MICAL3: variants seen among roughly 807,000 people sequenced by gnomAD.
MICAL3 encodes the protein [F-actin]-monooxygenase MICAL3.
MICAL3 carries 62 observed loss-of-function variants against 207.4 expected under a neutral mutation model. The observed-to-expected ratio is 0.30, with a 90% confidence interval of 0.24 to 0.37. The LOEUF (loss-of-function observed/expected upper bound fraction) is 0.37. Ranked by LOEUF, MICAL3 falls within the 10% of genes least tolerant of loss-of-function variation. MICAL3 has a pLI of 1.00. For synonymous variants in MICAL3, 1,077 were observed against 1,069.3 expected, an observed-to-expected ratio of 1.01 and a Z score of -0.14; for missense variants, 2,368 against 2,635.6, an observed-to-expected ratio of 0.90 and a Z score of 2.22.
chr22:17,973,490 G>C (rs1285544374), intron 1 of MICAL3, among the ~76,000 whole-genome samples: 1 of 152,202 alleles, frequency 6.6e-6, no homozygotes, highest in African/African-American at 2.4e-5. Context: ...AAGCAGCACA[G>C]GGTGTGAAGC....
chr22:17,974,715 C>T (rs957474100), intron 1 of MICAL3, among the ~76,000 whole-genome samples: 80 of 136,366 alleles, frequency 5.9e-4, no homozygotes, highest in African/African-American at 1.8e-3. Flanking sequence ...CAGAGCAAGA[C>T]TCCGTCTTAA....
intron 1 of MICAL3, among the ~76,000 whole-genome samples, chr22:17,974,870 T>C (rs564359120): frequency 6.6e-6 from 1 of 152,294 alleles, no homozygotes; most frequent in South Asian, 2.1e-4. Flanking sequence ...AGTTCTTCAG[T>C]CCTCACAATA....
chr22:17,956,972 A>G (rs946747189), intron 1 of MICAL3, among the ~76,000 whole-genome samples: 1 of 152,234 alleles, frequency 6.6e-6, no homozygotes, highest in African/African-American at 2.4e-5. Context: ...GGTTAATGAG[A>G]TATAAGCAGA....
chr22:17,791,560 GT>G, intron 29 of MICAL3: 1 of 542,508 alleles, frequency 1.8e-6, no homozygotes, highest in Non-Finnish European at 3.3e-6. Context: ...CCCGGGGCTG[GT>G]TTCTACCCCT....
intron 17 of MICAL3, 70 bp downstream of exon 17, chr22:17,871,767 C>T (rs995786069): frequency 8.5e-6 from 12 of 1,410,454 alleles, no homozygotes; most frequent in South Asian, 4.2e-5. Context: ...GGCCCAAAGG[C>T]GCCCAGCTCA....
chr22:17,818,408 T>C lies in MICAL3; in HGVS notation c.4253A>G (p.Glu1418Gly), dbSNP rs1185709408. 10 of 1,611,648 alleles carry C rather than the reference T, an allele frequency of 6.2e-6. No individual in the cohort carries two copies. The highest frequency in any genetic ancestry group is 8.5e-6 in the Non-Finnish European group (10 of 1,179,782). The change falls in exon 26 of 32, where the codon GAG becomes GGG. Residue 1418 changes from glutamate (E) to glycine (G), a missense_variant. Glu to Gly is a moderately conservative substitution (Grantham distance 98). Around this residue, in one of 4 missense-constraint regions of MICAL3, gnomAD observed 1,770 missense variants for 1,863.2 expected, o/e 0.95. Coordinates refer to ENST00000441493, the MANE Select transcript of MICAL3 (RefSeq NM_015241.3). ...SDRELRSAQE[E>G]RRELSSSSGL... ...AGAGCTGCTGGACAGCTCCCTGCGC[T>C]CCTCCTGGGCGCTGCGTAGCTCTCT...
At position 17,893,863 on chromosome 22, in the gene MICAL3, G is replaced by A. The variant is rs1279981743; in HGVS notation, c.1491C>T (p.His497=). The A allele has an allele frequency of 7.0e-6, 11 of 1,572,774 alleles. No homozygotes were observed. Among genetic ancestry groups the A allele is most frequent in the Non-Finnish European group, 7.8e-6 (9 of 1,157,546 alleles). ...LYDTGETKDI[H]LEMESLVNSR... Reference sequence around the variant, plus strand: ...AATTCACCAGGCTCTCCATTTCCAGGTGAATATCTTTTGTTTCGCCAGTAT... The same window carrying A: ...AATTCACCAGGCTCTCCATTTCCAGATGAATATCTTTTGTTTCGCCAGTAT... The change falls in exon 11 of 32, where the codon CAC becomes CAT. Residue 497 remains histidine (H), a synonymous_variant. Coordinates refer to ENST00000441493, the MANE Select transcript of MICAL3 (RefSeq NM_015241.3).
intron 1 of MICAL3, among the ~76,000 whole-genome samples, chr22:17,958,710 T>A (rs920694535): frequency 2.4e-4 from 36 of 151,630 alleles, no homozygotes; most frequent in Non-Finnish European, 4.6e-4. Context: ...TTTTTATTTT[T>A]TTTTTCTTTT....
chr22:17,850,411 T>C (rs1348704530), intron 19 of MICAL3, among the ~76,000 whole-genome samples: 1 of 129,106 alleles, frequency 7.7e-6, no homozygotes, highest in Non-Finnish European at 1.6e-5. Context: ...TTTTTTTTTT[T>C]TTTTTTTTTT....
At chr22:17,837,546 C>A (rs2587107) in intron 20 of MICAL3, among the ~76,000 whole-genome samples, 44,029 of 152,114 alleles carry the variant, frequency 0.29, 6,438 homozygotes, top group African/African-American at 0.31. Flanking sequence ...GGGAAAACAA[C>A]ACAAACATCA....
chr22:17,859,345 G>A (rs1926263877), intron 19 of MICAL3, among the ~76,000 whole-genome samples: 1 of 152,230 alleles, frequency 6.6e-6, no homozygotes, highest in Non-Finnish European at 1.5e-5. Context: ...CAAGTGCCTA[G>A]GGCCCGGCAG....
intron 1 of MICAL3, among the ~76,000 whole-genome samples, chr22:17,988,670 C>G (rs1921312897): frequency 6.6e-6 from 1 of 152,214 alleles, no homozygotes; most frequent in South Asian, 2.1e-4. Context: ...CTTGGCCAGG[C>G]TGGTCTTGAA....
At chr22:17,909,163 AC>A (rs1176158481) in intron 1 of MICAL3, among the ~76,000 whole-genome samples, 1 of 152,202 alleles carries the variant, frequency 6.6e-6, no homozygotes, top group Non-Finnish European at 1.5e-5. Context: ...GATGGAACAC[AC>A]TGGCTGGGCT....
intron 19 of MICAL3, chr22:17,861,656 T>C (rs1239178924): frequency 3.0e-6 from 3 of 985,352 alleles, no homozygotes; most frequent in Admixed American, 1.2e-4. Context: ...AAAGTCATGG[T>C]GGACAGTACA....
Position 17,884,985 on chromosome 22 carries a change from T to C in MICAL3, c.2241+893A>G, listed in dbSNP as rs370988228. 1.2e-4 allele frequency among the ~76,000 whole-genome samples: 18 copies of C among 152,344 alleles called. No individual in the cohort carries two copies. The East Asian group carries it at 1.7e-3, about 15-fold the overall frequency. On this transcript the variant is annotated intron_variant, in intron 16 of 31. Coordinates refer to ENST00000441493, the MANE Select transcript of MICAL3 (RefSeq NM_015241.3). The stretch of plus-strand genomic sequence containing the variant: ...GAAGAGAAATTCAGAGAAGCAGCCC[T>C]GCCCTCCAGCTGCTCTCTCCAGTTA...
At chr22:17,952,861 C>T (rs1934416143) in intron 1 of MICAL3, among the ~76,000 whole-genome samples, 1 of 152,150 alleles carries the variant, frequency 6.6e-6, no homozygotes, top group African/African-American at 2.4e-5. Flanking sequence ...AGTTCTTAAC[C>T]TCTCTGTTTC....
At chr22:17,976,964 GC>G (rs1467980094) in intron 1 of MICAL3, among the ~76,000 whole-genome samples, 2 of 151,944 alleles carry the variant, frequency 1.3e-5, no homozygotes, top group African/African-American at 2.4e-5. Flanking sequence ...CCGCCACCAT[GC>G]CCGGCTAATT....
chr22:17,878,231 AG>A (rs1482531541), intron 16 of MICAL3, among the ~76,000 whole-genome samples: 1 of 152,224 alleles, frequency 6.6e-6, no homozygotes, highest in Non-Finnish European at 1.5e-5. Flanking sequence ...TGCAAAATGG[AG>A]GGCACTGCCC....
At chr22:17,954,016 C>T (rs966112727) in intron 1 of MICAL3, among the ~76,000 whole-genome samples, 2 of 138,146 alleles carry the variant, frequency 1.4e-5, no homozygotes, top group Non-Finnish European at 3.1e-5. Context: ...AGAAAAGAAA[C>T]GGCATTCTGG....
Sources: gnomAD v4.1 joint callset for allele counts (sites outside exome capture counted in the v4.1 genomes callset) on GRCh38, gnomAD v4.1.1 for gene constraint, gnomAD v4.1.1 regional missense constraint, MANE v1.5 for transcripts, NCBI Gene and HGNC (gene_info 2026-07-23, HGNC 2026-07-21) for gene names.